PRRC2A: variants seen among roughly 807,000 people sequenced by gnomAD.
The protein encoded by PRRC2A is proline rich coiled-coil 2A.
In PRRC2A, 59 loss-of-function variants were observed where a neutral mutation model predicts 224.6. That is an observed-to-expected ratio of 0.26 (90% CI 0.21 to 0.33). PRRC2A has a LOEUF of 0.33. Ranked by LOEUF, PRRC2A falls within the 10% of genes least tolerant of loss-of-function variation. PRRC2A has a pLI of 1.00. For missense variants in PRRC2A, 3,095 were observed against 2,880.7 expected (o/e 1.07, Z -1.70); for synonymous variants, 1,194 against 1,109.5 (o/e 1.08, Z -1.51).
rs780770055 is a variant in PRRC2A, at chr6:31,627,956, T to C, written c.1482T>C (p.Asp494=). Residue 494 remains aspartate, a synonymous_variant, in exon 12 of 31, where the codon GAT becomes GAC. Transcript: ENST00000376033. This position sits in a 1 kb window ranked among gnomAD's most constrained non-coding sequence, Gnocchi z 5.6. ...AACAEKLKRL[D]EKFGAPDKRL... is the part of the protein sequence containing the mutation. ...GTGCTGAGAAGCTCAAGCGACTCGA[T>C]GAAAAGTTTGGGGCACCTGACAAGC... 36 of 1,612,902 alleles carry C rather than the reference T, an allele frequency of 2.2e-5. No individual in the cohort carries two copies. In the African/African-American group the frequency reaches 2.7e-4, roughly 12 times the overall value.
Position 31,626,291 on chromosome 6 carries a change from A to G in PRRC2A, c.982+129A>G, listed in dbSNP as rs995034733. ...AGGAAGACCAGGCCCAATGGCTCAC[A>G]TCTGTAATCCCAGTGCTTTGGGAGT... On this transcript the variant is annotated intron_variant, in intron 9 of 30. Coordinates refer to ENST00000376033, the MANE Select transcript of PRRC2A (RefSeq NM_004638.4). 4.5e-5 allele frequency: 52 copies of G among 1,146,614 alleles called. 1 individual carries two copies. In the East Asian group the frequency reaches 1.2e-3, roughly 26 times the overall value. The allele number at this position is 1,146,614 out of a possible 1,614,324, so 71.0% of individuals were successfully genotyped here. A position where few individuals can be genotyped will look rare whatever the true frequency, so the allele number is the denominator to read the frequency against.
Position 31,629,878 on chromosome 6 carries a change from A to G in PRRC2A, c.2254+33A>G, listed in dbSNP as rs1776344144. On this transcript the variant is annotated intron_variant, in intron 14 of 30. Coordinates refer to ENST00000376033, the MANE Select transcript of PRRC2A (RefSeq NM_004638.4). ...GGCATGGGAGGAGTGAGAAACAGGA[A>G]AGTCCCCTCAGTCTTAGGCATTGGA... 3.1e-6 allele frequency: 5 copies of G among 1,609,392 alleles called. No individual in the cohort carries two copies. The Admixed American group carries it at 8.5e-5, about 27-fold the overall frequency.
rs1214036903 is a variant in PRRC2A at position 31,631,554 on chromosome 6, G to A, written c.2881G>A (p.Val961Ile). ...AAAGAAACCTCCACCACCTACAAAA[G>A]TAGAAGAGCTGCCTCCCAAGCCCCT... ...PIKKPPPPTK[V>I]EELPPKPLEQ... Residue 961 changes from valine (V) to isoleucine (I), a missense_variant, in exon 16 of 31, where the codon GTA becomes ATA. Transcript: ENST00000376033. The surrounding 1 kb of genome is among the most constrained non-coding windows in gnomAD (Gnocchi z 4.5). 4.4e-6 allele frequency: 7 copies of A among 1,592,798 alleles called. No individual in the cohort carries two copies. Among genetic ancestry groups the A allele is most frequent in the East Asian group, 2.2e-5 (1 of 44,658 alleles).
At chr6:31,624,119 C>A in intron 3 of PRRC2A, 142 bp from the exon 4 acceptor site, 1 of 1,080,142 alleles carries the variant, frequency 9.3e-7, no homozygotes, top group Non-Finnish European at 1.3e-6. Context: ...TAGACAACAG[C>A]CTACAAAGGA....
chr6:31,636,271 C>G lies in PRRC2A; in HGVS notation c.5687C>G (p.Ala1896Gly). 1 of 1,612,972 alleles carries G rather than the reference C, an allele frequency of 6.2e-7. No individual in the cohort carries two copies. The highest frequency in any genetic ancestry group is 2.2e-5 in the East Asian group (1 of 44,884). The change falls in exon 26 of 31, where the codon GCT becomes GGT. Residue 1896 changes from alanine (A) to glycine (G), a missense_variant. By Grantham distance (60) the Ala-to-Gly change is moderately conservative. This residue lies in a region of PRRC2A where 662 missense variants were observed against 609.5 expected (regional missense o/e 1.09). Transcript: ENST00000376033. This position sits in a 1 kb window ranked among gnomAD's most constrained non-coding sequence, Gnocchi z 4.3. ...CCCTCAGCACTGCTCTCTGGGTTAG[C>G]TCTCAAGGGCCAGTTTCTGGATTTC... is the stretch of plus-strand genomic sequence containing the variant. ...APPSALLSGL[A>G]LKGQFLDFST...
rs1334756411 is a variant in PRRC2A at position 31,633,664 on chromosome 6, A to G, written c.4588+17A>G. On this transcript the variant is annotated intron_variant, in intron 17 of 30. Coordinates refer to ENST00000376033, the MANE Select transcript of PRRC2A (RefSeq NM_004638.4). ...TCAGTTCTGGTAAGCTGGAGGGGTT[A>G]TGGGTGGGAATATCTCCATCCCCAG... 6.3e-7 allele frequency: 1 copy of G among 1,594,988 alleles called. No individual in the cohort carries two copies. The highest frequency in any genetic ancestry group is 1.3e-5 in the African/African-American group (1 of 74,532).
chr6:31,633,325 T>G (rs1484908696), intron 16 of PRRC2A, 54 bp from the exon 17 acceptor site: 4 of 1,568,874 alleles, frequency 2.5e-6, no homozygotes, highest in African/African-American at 1.4e-5. Context: ...ACATAACTTG[T>G]GGGAAAAAGT....
At position 31,629,192 on chromosome 6, in the gene PRRC2A, TTCC is replaced by T. The variant is rs763584140; in HGVS notation, c.1822_1824del (p.Pro608del). 51 of 1,613,760 alleles carry T rather than the reference TTCC, an allele frequency of 3.2e-5. No individual in the cohort carries two copies. Among genetic ancestry groups the T allele is most frequent in the Non-Finnish European group, 4.1e-5 (48 of 1,179,956 alleles). On this transcript the variant is annotated inframe_deletion, in exon 13 of 31. Transcript: ENST00000376033. The stretch of plus-strand genomic sequence containing the variant: ...GAGGGTCCTGAACCACCAGAAGAGG[TTCC>T]TCCTCCTACCACACCCCCAGTTCCA...
rs1424331062 is a variant in PRRC2A at position 31,628,042 on chromosome 6, C to G, written c.1568C>G (p.Ala523Gly). The change falls in exon 12 of 31, where the codon GCA becomes GGA. Residue 523 changes from alanine to glycine, a missense_variant. Physicochemically the swap from Ala to Gly is moderately conservative, Grantham distance 60 (BLOSUM62 0). Transcript: ENST00000376033. ...CCTTCTACCCCAGCTCCACCACCTG[C>G]AGTCCCTAAAGAACTCCCTGCACCT... ...AAPSTPAPPP[A>G]VPKELPAPPA... The G allele has an allele frequency of 6.2e-7, 1 of 1,612,798 alleles. No individual in the cohort carries two copies. The highest frequency in any genetic ancestry group is 8.5e-7 in the Non-Finnish European group (1 of 1,179,846).
In PRRC2A at chr6:31,633,577, C is replaced by T. The variant is rs780956114; in HGVS notation, c.4518C>T (p.Ala1506=). The change falls in exon 17 of 31, where the codon GCC becomes GCT. Residue 1506 remains alanine (A), a synonymous_variant. Coordinates refer to ENST00000376033, the MANE Select transcript of PRRC2A (RefSeq NM_004638.4). ...HPRHKPGLPQ[A]PQGPSPRPPT... ...GGCACAAGCCTGGGCTTCCCCAAGCCCCTCAGGGCCCCTCTCCTAGGCCCC... is the reference window on the plus strand; with the variant it reads ...GGCACAAGCCTGGGCTTCCCCAAGCTCCTCAGGGCCCCTCTCCTAGGCCCC... The T allele has an allele frequency of 6.2e-7, 1 of 1,612,978 alleles. No homozygotes were observed. The highest frequency in any genetic ancestry group is 8.5e-7 in the Non-Finnish European group (1 of 1,179,932).
chr6:31,629,756 G>A lies in PRRC2A; in HGVS notation c.2165G>A (p.Arg722Gln), dbSNP rs1175890119. The change falls in exon 14 of 31, where the codon CGA becomes CAA. Residue 722 changes from arginine (R) to glutamine (Q), a missense_variant. By Grantham distance (43) the Arg-to-Gln change is conservative. Transcript: ENST00000376033. ...ATGCCCCCAATGAACTTTGATCCCC[G>A]ATGGATGATGATTCCTCCTTATGTG... ...PPMPPMNFDP[R>Q]WMMIPPYVDP... 8 of 1,604,580 alleles carry A rather than the reference G, an allele frequency of 5.0e-6. No homozygotes were observed. The highest frequency in any genetic ancestry group is 1.1e-5 in the South Asian group (1 of 90,608).
Position 31,631,570 on chromosome 6 carries a change from C to G in PRRC2A, c.2897C>G (p.Pro966Arg). 2 of 1,585,774 alleles carry G rather than the reference C, an allele frequency of 1.3e-6. No individual in the cohort carries two copies. The highest frequency in any genetic ancestry group is 1.7e-6 in the Non-Finnish European group (2 of 1,169,812). The change falls in exon 16 of 31, where the codon CCC becomes CGC. Residue 966 changes from proline (P) to arginine (R), a missense_variant. Transcript: ENST00000376033. The surrounding 1 kb of genome is among the most constrained non-coding windows in gnomAD (Gnocchi z 4.5). ...PPPTKVEELP[P>R]KPLEQGDETP... ...CCTACAAAAGTAGAAGAGCTGCCTC[C>G]CAAGCCCCTCGAACAGGGGGATGAA...
rs1364795186 is a variant in PRRC2A at position 31,624,277 on chromosome 6, G to A, written c.307G>A (p.Ala103Thr). 1.9e-6 allele frequency: 3 copies of A among 1,613,460 alleles called. No homozygotes were observed. Among genetic ancestry groups the A allele is most frequent in the African/African-American group, 1.3e-5 (1 of 74,884 alleles). The change falls in exon 4 of 31, where the codon GCT becomes ACT. Residue 103 changes from alanine to threonine, a missense_variant. Ala to Thr is a moderately conservative substitution (Grantham distance 58, BLOSUM62 0). Around this residue, in one of 8 missense-constraint regions of PRRC2A, gnomAD observed 52 missense variants for 77.9 expected, o/e 0.67. Transcript: ENST00000376033. Reference protein sequence around the residue: ...SDPKSSDASTAQPPESQPLPA... With the variant: ...SDPKSSDASTTQPPESQPLPA... ...TCCCCTCAGTTCCGATGCCTCAACC[G>A]CTCAGCCGCCGGAATCGCAGCCACT...
intron 12 of PRRC2A, chr6:31,628,668 C>T (rs1258937729): frequency 2.3e-5 from 5 of 221,614 alleles, no homozygotes; most frequent in Admixed American, 1.5e-4. Flanking sequence ...ATAGTGAAAC[C>T]CGTCTCTACT....
rs139221400 is a variant in PRRC2A at position 31,636,562 on chromosome 6, C to G, written c.5888C>G (p.Pro1963Arg). 420 of 1,608,508 alleles carry G rather than the reference C, an allele frequency of 2.6e-4. 1 individual carries two copies. The Admixed American group carries it at 6.9e-3, about 26-fold the overall frequency. Residue 1963 changes from proline (P) to arginine (R), a missense_variant, in exon 27 of 31, where the codon CCT (proline) becomes CGT (arginine). Around this residue, in one of 8 missense-constraint regions of PRRC2A, gnomAD observed 662 missense variants for 609.5 expected, o/e 1.09. Coordinates refer to ENST00000376033, the MANE Select transcript of PRRC2A (RefSeq NM_004638.4). This position sits in a 1 kb window ranked among gnomAD's most constrained non-coding sequence, Gnocchi z 4.3. Reference protein sequence around the residue: ...PSDFYSTPLQPGGQSGFLPSG... With the variant: ...PSDFYSTPLQRGGQSGFLPSG... ...GATTTTTATTCTACTCCTCTGCAGC[C>G]TGGTGGCCAAAGTGGCTTTCTCCCT...
intron 2 of PRRC2A, 193 bp downstream of exon 2, chr6:31,623,094 G>A (rs767192834): frequency 5.2e-6 from 4 of 762,518 alleles, no homozygotes; most frequent in South Asian, 1.4e-5. Context: ...CTACAAAGGC[G>A]TGTCTGTGGT....
Position 31,629,281 on chromosome 6 carries a change from G to T in PRRC2A, c.1903G>T (p.Gly635Cys), listed in dbSNP as rs768550132. 1 of 1,592,694 alleles carries T rather than the reference G, an allele frequency of 6.3e-7. No individual in the cohort carries two copies. Among genetic ancestry groups the T allele is most frequent in the Non-Finnish European group, 8.5e-7 (1 of 1,170,414 alleles). The change falls in exon 13 of 31, where the codon GGC becomes TGC. Residue 635 changes from glycine to cysteine, a missense_variant. By Grantham distance (159) the Gly-to-Cys change is radical (BLOSUM62 -3). Coordinates refer to ENST00000376033, the MANE Select transcript of PRRC2A (RefSeq NM_004638.4). ...PTRQPPSQGL[G>C]YPKYQKSLPP... is the part of the protein sequence containing the mutation. Reference sequence around the variant, plus strand: ...CCGCCAGCCCCCTAGTCAGGGCTTGGGCTACCCCAAATATCAGAAGTCGTT... The same window carrying T: ...CCGCCAGCCCCCTAGTCAGGGCTTGTGCTACCCCAAATATCAGAAGTCGTT...
chr6:31,620,918 T>TGGCGGC (rs1554121056), intron 1 of PRRC2A, 60 bp downstream of exon 1: 35 of 155,582 alleles, frequency 2.2e-4, no homozygotes, highest in Non-Finnish European at 2.3e-4. Flanking sequence ...GTGGTGGCGG[T>TGGCGGC]GGCGGTGGCG....
rs748751372 is a variant in PRRC2A, at chr6:31,625,921, G to T, written c.839+50G>T. 1 of 1,581,048 alleles carries T rather than the reference G, an allele frequency of 6.3e-7. No homozygotes were observed. Among genetic ancestry groups the T allele is most frequent in the Non-Finnish European group, 8.7e-7 (1 of 1,154,216 alleles). ...TGGCTGGGGGCAGGGGAAGCTTATT[G>T]GGGGAGGAGATGGTTTTCTAGCCAG... is the stretch of plus-strand genomic sequence containing the variant. On this transcript the variant is annotated intron_variant, in intron 8 of 30. Transcript: ENST00000376033. The surrounding 1 kb of genome is among the most constrained non-coding windows in gnomAD (Gnocchi z 4.1).
Sources: gnomAD v4.1 joint callset for allele counts on GRCh38, gnomAD v4.1.1 for gene constraint, gnomAD v4.1.1 regional missense constraint, Gnocchi (gnomAD v3.1) non-coding constraint, MANE v1.5 for transcripts, NCBI Gene and HGNC (gene_info 2026-07-23, HGNC 2026-07-21) for gene names.